Variants in RTN4 observed in about 807,000 individuals in gnomAD.
RTN4 encodes reticulon 4.
Under a neutral mutation model 90.4 loss-of-function variants are expected in RTN4, and 32 were observed. The ratio of observed to expected loss-of-function variants is 0.35; its 90% CI spans 0.27 to 0.48. RTN4 has a LOEUF of 0.48. Ranked by LOEUF, RTN4 falls within the 20% of genes least tolerant of loss-of-function variation. The pLI is 0.99. For synonymous variants in RTN4, 629 were observed against 552.5 expected (o/e 1.14, Z -1.94); for missense variants, 1,706 against 1,430.2 (o/e 1.19, Z -3.11).
intron 1 of RTN4, among the ~76,000 whole-genome samples, chr2:55,088,643 A>G (rs1191434196): frequency 6.6e-6 from 1 of 152,248 alleles, no homozygotes; most frequent in Non-Finnish European, 1.5e-5. Flanking sequence ...TGGCACATAC[A>G]TTGGAGCTTT....
chr2:55,133,096 A>G, the RTN4 span, among the ~76,000 whole-genome samples: 2 of 152,174 alleles, frequency 1.3e-5, no homozygotes, highest in South Asian at 2.1e-4. Flanking sequence ...CTGTAATCCC[A>G]GCTACCTGGG....
the RTN4 span, among the ~76,000 whole-genome samples, chr2:55,127,916 CTT>C: frequency 4.1e-5 from 6 of 145,010 alleles, no homozygotes; most frequent in Admixed American, 6.9e-5. Flanking sequence ...TCTGTGATGG[CTT>C]TTTTTTTTTT....
intron 1 of RTN4, among the ~76,000 whole-genome samples, chr2:55,037,570 T>C (rs1278090277): frequency 2.0e-5 from 3 of 152,210 alleles, no homozygotes; most frequent in Non-Finnish European, 4.4e-5. Context: ...AAAATGCTAA[T>C]ATTCTGGCTA....
At chr2:54,986,754 A>G (rs1332029536) in intron 4 of RTN4, among the ~76,000 whole-genome samples, 1 of 152,122 alleles carries the variant, frequency 6.6e-6, no homozygotes, top group South Asian at 2.1e-4. Flanking sequence ...AACTGTTAAT[A>G]AGTAGGAAGT....
At chr2:55,130,324 A>T in the RTN4 span, among the ~76,000 whole-genome samples, 1 of 152,274 alleles carries the variant, frequency 6.6e-6, no homozygotes, top group Non-Finnish European at 1.5e-5. Flanking sequence ...TCTATAGGAC[A>T]TACAAGTATT....
At chr2:55,127,275 G>T in the RTN4 span, among the ~76,000 whole-genome samples, 2 of 152,112 alleles carry the variant, frequency 1.3e-5, no homozygotes, top group African/African-American at 4.8e-5. Context: ...AACAAGACAG[G>T]ACAAAAAGAC....
intron 2 of RTN4, among the ~76,000 whole-genome samples, chr2:55,072,241 T>C (rs577326900): frequency 1.7e-4 from 26 of 152,070 alleles, no homozygotes; most frequent in Admixed American, 1.6e-3. Context: ...CTTTTCTTTT[T>C]TTTTTTGAGG....
Position 54,973,207 on chromosome 2 carries a change from GAA to G in RTN4, c.3537-11_3537-10del, listed in dbSNP as rs1196543894. The G allele has an allele frequency of 2.5e-6, 4 of 1,600,644 alleles. No individual in the cohort carries two copies. Among genetic ancestry groups the G allele is most frequent in the Middle Eastern group, 3.3e-4 (2 of 6,030 alleles). ...GGATTTTTGCTTGGATTCTGAAAAT[GAA>G]AAAGTCAATGTAAATATCAGTTTTG... On this transcript the variant is annotated splice_polypyrimidine_tract_variant and intron_variant, in intron 8 of 8. Coordinates refer to ENST00000337526, the MANE Select transcript of RTN4 (RefSeq NM_020532.5).
chr2:55,074,517 CA>C (rs778275041), intron 2 of RTN4, among the ~76,000 whole-genome samples: 3,315 of 59,630 alleles, frequency 0.056, 36 homozygotes, highest in South Asian at 0.093. Flanking sequence ...CTGCCCTCAC[CA>C]AAAAAAAAAA....
chr2:55,041,080 A>ATT (rs554319306), intron 1 of RTN4, among the ~76,000 whole-genome samples: 37 of 143,016 alleles, frequency 2.6e-4, no homozygotes, highest in Middle Eastern at 3.6e-3. Flanking sequence ...TCTCAACACA[A>ATT]TTTTTTTTTT....
At chr2:55,036,941 A>C (rs1682733395) in intron 1 of RTN4, among the ~76,000 whole-genome samples, 1 of 152,214 alleles carries the variant, frequency 6.6e-6, no homozygotes, top group Non-Finnish European at 1.5e-5. Context: ...AGAAAAGTAA[A>C]ACTATCTTAA....
At chr2:55,023,721 T>G (rs1453294111) in intron 3 of RTN4, among the ~76,000 whole-genome samples, 1 of 152,122 alleles carries the variant, frequency 6.6e-6, no homozygotes. Flanking sequence ...CTCAAACTTC[T>G]TAAGAGTAAT....
At position 55,026,773 on chromosome 2, in the gene RTN4, A is replaced by C. The variant is rs771002882; in HGVS notation, c.1326T>G (p.Asn442Lys). 1 of 1,613,782 alleles carries C rather than the reference A, an allele frequency of 6.2e-7. No homozygotes were observed. The highest frequency in any genetic ancestry group is 1.7e-5 in the Admixed American group (1 of 59,966). Residue 442 changes from asparagine to lysine, a missense_variant, in exon 3 of 9, where the codon AAT becomes AAG. Asn to Lys is a moderately conservative substitution (Grantham distance 94, BLOSUM62 0). Transcript: ENST00000337526. ...TNHEKDSESSNDDTSFPSTPE... is the reference protein window; with the variant it reads ...TNHEKDSESSKDDTSFPSTPE... ...GCGTACTGGGGAAAGAAGTATCATC[A>C]TTACTACTCTCACTATCTTTTTCGT...
intron 2 of RTN4, among the ~76,000 whole-genome samples, chr2:55,056,770 AT>A (rs1358850525): frequency 6.6e-6 from 1 of 152,200 alleles, no homozygotes; most frequent in African/African-American, 2.4e-5. Context: ...TAAGTTCCCA[AT>A]ATAGTGATTA....
chr2:55,009,161 G>A (rs1156789990), intron 3 of RTN4, among the ~76,000 whole-genome samples: 1 of 151,980 alleles, frequency 6.6e-6, no homozygotes, highest in East Asian at 1.9e-4. Context: ...TGCCAATCCT[G>A]CTAGAAGGAA....
At chr2:54,994,370 GATT>G (rs1679253792) in intron 3 of RTN4, among the ~76,000 whole-genome samples, 1 of 152,086 alleles carries the variant, frequency 6.6e-6, no homozygotes, top group African/African-American at 2.4e-5. Context: ...ATATAAAAAA[GATT>G]ATACACCATG....
chr2:55,123,647 CTTATT>C, the RTN4 span, among the ~76,000 whole-genome samples: 1 of 151,618 alleles, frequency 6.6e-6, no homozygotes, highest in South Asian at 2.1e-4. Flanking sequence ...ATAATTATCA[CTTATT>C]ATATTATATT....
intron 1 of RTN4, among the ~76,000 whole-genome samples, chr2:55,044,774 T>C (rs188098101): frequency 8.6e-4 from 103 of 119,216 alleles, no homozygotes; most frequent in African/African-American, 3.4e-3. Flanking sequence ...TTGAGAGAGT[T>C]TGCAAATCAC....
the RTN4 span, among the ~76,000 whole-genome samples, chr2:55,137,363 A>C: frequency 6.6e-6 from 1 of 152,194 alleles, no homozygotes; most frequent in Admixed American, 6.5e-5. Context: ...ACCTCTATGC[A>C]GTGACGCTAC....
Sources: allele counts gnomAD v4.1 joint callset (sites outside exome capture counted in the v4.1 genomes callset), GRCh38; gene constraint gnomAD v4.1.1; transcripts MANE v1.5; gene names NCBI Gene and HGNC (gene_info 2026-07-23, HGNC 2026-07-21).